The following TRPS1 variants were observed in gnomAD, a reference collection of about 807,000 sequenced individuals.
The protein encoded by TRPS1 is zinc finger transcription factor Trps1.
TRPS1 carries 6 observed loss-of-function variants against 101.2 expected under a neutral mutation model. The observed-to-expected ratio is 0.06, with a 90% CI of 0.03 to 0.12. The LOEUF (loss-of-function observed/expected upper bound fraction) is 0.12, where lower values mean the gene tolerates loss of function less well. TRPS1 is among the 10% of genes least tolerant of loss of function. The pLI is 1.00. For missense variants in TRPS1, 1,363 were observed against 1,567.0 expected, an observed-to-expected ratio of 0.87 and a Z score of 2.20; for synonymous variants, 578 against 589.8, an observed-to-expected ratio of 0.98 and a Z score of 0.29.
At chr8:115,535,282 T>TATAGCATATATAG (rs1816272955) in intron 5 of TRPS1, among the ~76,000 whole-genome samples, 1 of 142,298 alleles carries the variant, frequency 7.0e-6, no homozygotes, top group African/African-American at 2.6e-5. Context: ...ATAGCATATA[T>TATAGCATATATAG]AGCATATATA....
intron 5 of TRPS1, among the ~76,000 whole-genome samples, chr8:115,547,138 T>C (rs1816592730): frequency 6.6e-6 from 1 of 152,208 alleles, no homozygotes; most frequent in South Asian, 2.1e-4. Context: ...TCATGCCTGA[T>C]AAAATCATAA....
chr8:115,661,001 C>T (rs375581723), intron 1 of TRPS1, among the ~76,000 whole-genome samples: 6 of 151,848 alleles, frequency 4.0e-5, no homozygotes, highest in Non-Finnish European at 8.8e-5. Context: ...TTCTACATAA[C>T]GTTTTGAGAT....
rs1817572420 is a variant in TRPS1, at chr8:115,586,995, T to A, written c.2700+6A>T. On this transcript the variant is annotated splice_donor_region_variant and intron_variant, in intron 5 of 6. Coordinates refer to ENST00000395715, the MANE Select transcript of TRPS1 (RefSeq NM_014112.5). Reference sequence around the variant, plus strand: ...AATGAATTATTTAAAAATGAAACCATCCTACCCGTAACAGGGACTGGGATT... The same window carrying A: ...AATGAATTATTTAAAAATGAAACCAACCTACCCGTAACAGGGACTGGGATT... 6.8e-6 allele frequency: 11 copies of A among 1,614,088 alleles called. No homozygotes were observed. Among genetic ancestry groups the A allele is most frequent in the Non-Finnish European group, 8.5e-6 (10 of 1,180,028 alleles).
At chr8:115,476,488 C>T (rs1279307427) in intron 5 of TRPS1, among the ~76,000 whole-genome samples, 3 of 152,140 alleles carry the variant, frequency 2.0e-5, no homozygotes, top group South Asian at 4.1e-4. Context: ...GGAAGCATGG[C>T]TTCAGGCTCC....
chr8:115,424,706 A>G (rs530831127), intron 5 of TRPS1, among the ~76,000 whole-genome samples: 1 of 152,290 alleles, frequency 6.6e-6, no homozygotes, highest in South Asian at 2.1e-4. Context: ...CTTTGTAAAA[A>G]CGTGTAACAG....
chr8:115,458,892 C>T (rs1340730445), intron 5 of TRPS1, among the ~76,000 whole-genome samples: 1 of 152,160 alleles, frequency 6.6e-6, no homozygotes, highest in Non-Finnish European at 1.5e-5. Context: ...TAATATTCTG[C>T]AGTACATTTT....
chr8:115,414,932 C>G lies in TRPS1; in HGVS notation c.2976G>C (p.Pro992=). ...GSNEEQVNGS[P]LERRSEDHLT... is the part of the protein sequence containing the mutation. ...GATGATCTTCTGACCTCCTCTCTAA[C>G]GGGCTTCCATTGACTTGCTCCTCAT... The change falls in exon 7 of 7, where the codon CCG becomes CCC. Residue 992 remains proline (P), a synonymous_variant. Transcript: ENST00000395715. The surrounding 1 kb of genome is among the most constrained non-coding windows in gnomAD (Gnocchi z 4.8). 1 of 1,601,296 alleles carries G rather than the reference C, an allele frequency of 6.2e-7. No homozygotes were observed.
chr8:115,516,413 G>T (rs1446066712), intron 5 of TRPS1, among the ~76,000 whole-genome samples: 1 of 151,400 alleles, frequency 6.6e-6, no homozygotes, highest in Admixed American at 6.6e-5. Flanking sequence ...CAATGTGAGT[G>T]AAAAAAATTG....
At position 115,414,490 on chromosome 8, in the gene TRPS1, A is replaced by C; in HGVS notation, c.3418T>G (p.Tyr1140Asp). Residue 1140 changes from tyrosine (Y) to aspartate (D), a missense_variant, in exon 7 of 7, where the codon TAC (tyrosine) becomes GAC (aspartate). By Grantham distance (160) the Tyr-to-Asp change is radical. Coordinates refer to ENST00000395715, the MANE Select transcript of TRPS1 (RefSeq NM_014112.5). This position sits in a 1 kb window ranked among gnomAD's most constrained non-coding sequence, Gnocchi z 4.8. The part of the protein sequence containing the change: ...YKLSVPGNPH[Y>D]LSHVPGLPNP... ...GGTAGGCCAGGCACGTGACTCAAGT[A>C]GTGCGGATTCCCAGGAACGGAGAGC... The C allele has an allele frequency of 6.2e-7, 1 of 1,613,954 alleles. No homozygotes were observed. Among genetic ancestry groups the C allele is most frequent in the Non-Finnish European group, 8.5e-7 (1 of 1,179,954 alleles).
intron 4 of TRPS1, among the ~76,000 whole-genome samples, chr8:115,598,355 C>T (rs1269074116): frequency 2.6e-5 from 4 of 152,258 alleles, no homozygotes; most frequent in East Asian, 1.9e-4. Context: ...GTCTTTGTCG[C>T]CCAGGCCAGT....
At chr8:115,549,605 T>C (rs190193875) in intron 5 of TRPS1, among the ~76,000 whole-genome samples, 1 of 151,322 alleles carries the variant, frequency 6.6e-6, no homozygotes, top group Non-Finnish European at 1.5e-5. Context: ...TTCGCCCAAA[T>C]GTTTGCAGCT....
chr8:115,573,950 G>A (rs193178167), intron 5 of TRPS1, among the ~76,000 whole-genome samples: 6 of 152,170 alleles, frequency 3.9e-5, no homozygotes, highest in Admixed American at 2.0e-4. Flanking sequence ...CAACTAAGTC[G>A]GTTTTCTCAA....
chr8:115,611,838 T>A (rs2130512303), intron 3 of TRPS1, among the ~76,000 whole-genome samples: 1 of 152,290 alleles, frequency 6.6e-6, no homozygotes, highest in East Asian at 1.9e-4. Context: ...TAATAAGTAA[T>A]ATAAATGTGC....
intron 5 of TRPS1, among the ~76,000 whole-genome samples, chr8:115,436,534 T>G (rs185100435): frequency 7.2e-5 from 11 of 152,204 alleles, no homozygotes; most frequent in African/African-American, 2.4e-4. Context: ...TTCTAAAACT[T>G]ATTATTATTG....
intron 5 of TRPS1, among the ~76,000 whole-genome samples, chr8:115,430,466 T>TGTGTAC (rs1554619202): frequency 2.6e-5 from 4 of 152,020 alleles, no homozygotes; most frequent in Non-Finnish European, 4.4e-5. Context: ...TGTGTGTGTG[T>TGTGTAC]ACACATACAA....
chr8:115,526,819 A>C (rs1200507615), intron 5 of TRPS1, among the ~76,000 whole-genome samples: 5 of 152,154 alleles, frequency 3.3e-5, no homozygotes, highest in Non-Finnish European at 5.9e-5. Context: ...TACAGAATTG[A>C]CCCTTGAAAC....
intron 4 of TRPS1, among the ~76,000 whole-genome samples, chr8:115,599,193 A>C (rs947321959): frequency 6.6e-6 from 1 of 152,074 alleles, no homozygotes; most frequent in African/African-American, 2.4e-5. Flanking sequence ...TATTCTGTCT[A>C]ATGCCTCATT....
chr8:115,624,454 C>T (rs910343088), intron 1 of TRPS1, among the ~76,000 whole-genome samples: 6 of 151,922 alleles, frequency 3.9e-5, no homozygotes, highest in South Asian at 2.1e-4. Context: ...ACATTATTCT[C>T]CACCTGAACA....
At chr8:115,578,413 C>T (rs1224520245) in intron 5 of TRPS1, among the ~76,000 whole-genome samples, 1 of 151,850 alleles carries the variant, frequency 6.6e-6, no homozygotes, top group Admixed American at 6.6e-5. Flanking sequence ...TGAAATTATC[C>T]CAAAAAGATG....
Sources: gnomAD v4.1 joint callset for allele counts (sites outside exome capture counted in the v4.1 genomes callset) on GRCh38, gnomAD v4.1.1 for gene constraint, Gnocchi (gnomAD v3.1) non-coding constraint, MANE v1.5 for transcripts, NCBI Gene and HGNC (gene_info 2026-07-23, HGNC 2026-07-21) for gene names.